CDH23: variants seen among roughly 807,000 people sequenced by gnomAD.
The protein encoded by CDH23 is cadherin-23.
Under a neutral mutation model 317.1 loss-of-function variants are expected in CDH23, and 189 were observed. The observed-to-expected ratio is 0.60, with a 90% CI of 0.53 to 0.67. The LOEUF (loss-of-function observed/expected upper bound fraction) is 0.67. CDH23 is among the 30% of genes least tolerant of loss of function. The probability of loss-of-function intolerance (pLI) is 0.00; values close to 1 mark genes in which losing one functional copy is unlikely to be tolerated. For missense variants in CDH23, 4,401 were observed against 4,592.4 expected (o/e 0.96, Z 1.20); for synonymous variants, 1,839 against 1,876.8 (o/e 0.98, Z 0.52).
rs397517347 is a variant in CDH23, at chr10:71,790,301, G to A, written c.5937G>A (p.Thr1979=). ...MENSPAGTPL[T]VLNGPILALD... ...CTTCTGGCCCAGGCACCCCTCTCAC[G>A]GTGCTCAATGGGCCCATCCTGGCCC... The change falls in exon 46 of 70, where the codon ACG becomes ACA. Residue 1979 remains threonine, a synonymous_variant. Coordinates refer to ENST00000224721, the MANE Select transcript of CDH23 (RefSeq NM_022124.6). 3.2e-5 allele frequency: 51 copies of A among 1,613,656 alleles called. No individual in the cohort carries two copies. Among genetic ancestry groups the A allele is most frequent in the Admixed American group, 3.0e-4 (18 of 60,000 alleles).
chr10:71,740,575 G>A (rs547826369), intron 36 of CDH23, among the ~76,000 whole-genome samples: 6 of 152,314 alleles, frequency 3.9e-5, no homozygotes, highest in Admixed American at 1.3e-4. Flanking sequence ...GATTCCAAAC[G>A]AGGATCCCAA....
chr10:71,542,927 A>G (rs540232521), intron 6 of CDH23, among the ~76,000 whole-genome samples: 1 of 152,294 alleles, frequency 6.6e-6, no homozygotes, highest in South Asian at 2.1e-4. Context: ...TAGGGGCTTT[A>G]GTGGGCCCCT....
intron 10 of CDH23, among the ~76,000 whole-genome samples, chr10:71,616,003 T>G (rs1473068117): frequency 6.6e-6 from 1 of 152,206 alleles, no homozygotes; most frequent in Non-Finnish European, 1.5e-5. Flanking sequence ...CTGTCCCACT[T>G]CCAAGTGCCA....
At chr10:71,575,015 T>C (rs1204135823) in intron 8 of CDH23, among the ~76,000 whole-genome samples, 3 of 151,438 alleles carry the variant, frequency 2.0e-5, no homozygotes, top group Non-Finnish European at 4.4e-5. Flanking sequence ...CTCGGTTTGC[T>C]CACACATACC....
intron 6 of CDH23, among the ~76,000 whole-genome samples, chr10:71,527,707 G>C (rs191315485): frequency 6.4e-4 from 97 of 152,310 alleles, no homozygotes; most frequent in African/African-American, 2.1e-3. Context: ...TATGAATTCT[G>C]ACCCTGTGCA....
chr10:71,632,944 G>A (rs1385793112), intron 11 of CDH23, among the ~76,000 whole-genome samples: 2 of 152,204 alleles, frequency 1.3e-5, no homozygotes, highest in African/African-American at 4.8e-5. Flanking sequence ...TCAGGGGGCT[G>A]CATCTGGTGA....
intron 14 of CDH23, among the ~76,000 whole-genome samples, chr10:71,659,818 A>G (rs1863566851): frequency 6.6e-6 from 1 of 152,194 alleles, no homozygotes; most frequent in East Asian, 1.9e-4. Flanking sequence ...CCATCTGATG[A>G]GGAGGAGGAA....
At chr10:71,568,609 T>G (rs1857547352) in intron 7 of CDH23, among the ~76,000 whole-genome samples, 1 of 152,122 alleles carries the variant, frequency 6.6e-6, no homozygotes, top group African/African-American at 2.4e-5. Context: ...CTAGATGGCT[T>G]CTCCCTTGCT....
intron 9 of CDH23, among the ~76,000 whole-genome samples, chr10:71,608,974 T>C (rs1205813511): frequency 3.3e-5 from 5 of 152,176 alleles, no homozygotes; most frequent in Non-Finnish European, 5.9e-5. Flanking sequence ...CATCAGCCTG[T>C]GTTCCCGCAC....
chr10:71,720,069 TGGTCGGC>T (rs939253606), intron 28 of CDH23, among the ~76,000 whole-genome samples: 5 of 152,210 alleles, frequency 3.3e-5, no homozygotes, highest in African/African-American at 7.2e-5. Flanking sequence ...TTGAATGGTA[TGGTCGGC>T]GGCAGCCAGA....
chr10:71,572,998 A>G (rs1454637882), intron 8 of CDH23, among the ~76,000 whole-genome samples: 1 of 152,134 alleles, frequency 6.6e-6, no homozygotes, highest in Non-Finnish European at 1.5e-5. Flanking sequence ...GGAGTCCCGC[A>G]CTGCCGTACT....
intron 41 of CDH23, 74 bp from the exon 42 acceptor site, chr10:71,784,213 G>A (rs1373181886): frequency 1.3e-6 from 2 of 1,499,436 alleles, no homozygotes; most frequent in African/African-American, 2.8e-5. Context: ...GCTAGAGGAA[G>A]CAGAAGGAGT....
At chr10:71,514,919 A>G (rs1854198701) in intron 6 of CDH23, among the ~76,000 whole-genome samples, 1 of 152,174 alleles carries the variant, frequency 6.6e-6, no homozygotes, top group Admixed American at 6.5e-5. Flanking sequence ...AATTTGCTCA[A>G]ACGTGTTTGC....
chr10:71,665,550 AGGCTGCAGCCGCTT>A (rs1408651500), intron 14 of CDH23, among the ~76,000 whole-genome samples: 1 of 152,228 alleles, frequency 6.6e-6, no homozygotes, highest in Non-Finnish European at 1.5e-5. Context: ...AAAGGGTGTG[AGGCTGCAGCCGCTT>A]GGCCTGTTAG....
At chr10:71,500,993 G>A (rs1221623741) in intron 3 of CDH23, among the ~76,000 whole-genome samples, 2 of 151,688 alleles carry the variant, frequency 1.3e-5, no homozygotes, top group East Asian at 1.9e-4. Context: ...CCTCAGCCTC[G>A]AGTAGCTGGG....
chr10:71,568,788 A>G (rs1423716505), intron 7 of CDH23, among the ~76,000 whole-genome samples: 1 of 152,194 alleles, frequency 6.6e-6, no homozygotes, highest in Non-Finnish European at 1.5e-5. Flanking sequence ...TCCTCTGGGA[A>G]CAAGCTGCTG....
intron 17 of CDH23, among the ~76,000 whole-genome samples, chr10:71,680,781 C>T (rs1474150864): frequency 7.3e-6 from 1 of 137,688 alleles, no homozygotes; most frequent in Non-Finnish European, 1.6e-5. Flanking sequence ...AAATTGCATT[C>T]TCTATGAAAT....
chr10:71,509,943 G>A (rs535166331), intron 3 of CDH23, 139 bp from the exon 4 acceptor site: 34 of 884,662 alleles, frequency 3.8e-5, no homozygotes, highest in Middle Eastern at 4.5e-4. Flanking sequence ...ATGCGCCAGG[G>A]CCTTGTGATG....
At chr10:71,428,316 T>C (rs1274667151) in intron 1 of CDH23, among the ~76,000 whole-genome samples, 1 of 151,400 alleles carries the variant, frequency 6.6e-6, no homozygotes, top group East Asian at 2.0e-4. Context: ...TTTTGTATTT[T>C]TAGTAGAGAT....
Sources: gnomAD v4.1 joint callset for allele counts (sites outside exome capture counted in the v4.1 genomes callset) on GRCh38, gnomAD v4.1.1 for gene constraint, MANE v1.5 for transcripts, NCBI Gene and HGNC (gene_info 2026-07-23, HGNC 2026-07-21) for gene names.